Variants in OPHN1 observed in about 807,000 individuals in gnomAD.
OPHN1 encodes oligophrenin-1.
A neutral mutation model predicts 60.7 loss-of-function variants in OPHN1; 11 were observed. The observed-to-expected ratio is 0.18, with a 90% CI of 0.11 to 0.30. The LOEUF is 0.30. OPHN1 is among the 10% of genes least tolerant of loss of function. OPHN1 has a pLI of 1.00. For synonymous variants in OPHN1, 226 were observed against 222.6 expected, an observed-to-expected ratio of 1.02 and a Z score of -0.14; for missense variants, 449 against 611.0, an observed-to-expected ratio of 0.73 and a Z score of 2.80.
At chrX:68,329,241 A>G (rs2078283087) in intron 2 of OPHN1, among the ~76,000 whole-genome samples, 1 of 112,303 alleles carries the variant, frequency 8.9e-6, no homozygotes, top group African/African-American at 3.2e-5. Context: ...ATGTGAACAA[A>G]TGGATAAAGT....
rs764471911 is a variant in OPHN1, at chrX:68,410,559, C to CA, written c.154+22307dup. On this transcript the variant is annotated intron_variant, in intron 2 of 24. Transcript: ENST00000355520. ...CCTGGATGACAGACTGAGACTCCAC[C>CA]AAAAAAAAAAAAAGTGGAAGAACAA... 2.2e-3 allele frequency among the ~76,000 whole-genome samples: 216 copies of CA among 97,596 alleles called. 2 individuals are homozygous for CA. The highest frequency in any genetic ancestry group is 5.2e-3 in the Middle Eastern group (1 of 191). The allele number at this position is 97,596 out of a possible 115,157, so 84.8% of individuals were successfully genotyped here.
At chrX:68,278,122 T>C (rs139343301) in intron 4 of OPHN1, among the ~76,000 whole-genome samples, 1 of 112,160 alleles carries the variant, frequency 8.9e-6, no homozygotes, top group African/African-American at 3.2e-5. Flanking sequence ...TTAATCACTT[T>C]GGCAACACTG....
At chrX:68,320,624 C>T (rs1376072013) in intron 2 of OPHN1, among the ~76,000 whole-genome samples, 2 of 110,390 alleles carry the variant, frequency 1.8e-5, no homozygotes, top group Non-Finnish European at 3.8e-5. Flanking sequence ...GAATTTTCCC[C>T]CATACCCCAA....
intron 15 of OPHN1, among the ~76,000 whole-genome samples, chrX:68,132,212 T>G (rs925998704): frequency 1.7e-4 from 19 of 109,226 alleles, no homozygotes; most frequent in Admixed American, 1.4e-3. Context: ...TATACCCAAA[T>G]GACTATAAAT....
chrX:68,192,070 AT>A (rs1391018875), intron 15 of OPHN1, among the ~76,000 whole-genome samples: 4 of 111,255 alleles, frequency 3.6e-5, no homozygotes, highest in Non-Finnish European at 7.5e-5. Flanking sequence ...ATAAAAAAAA[AT>A]CAATCAATAG....
intron 21 of OPHN1, among the ~76,000 whole-genome samples, chrX:68,058,790 C>T (rs1050645769): frequency 8.9e-6 from 1 of 111,811 alleles, no homozygotes; most frequent in Non-Finnish European, 1.9e-5. Context: ...ATTGTCCCCA[C>T]TTACAGTTGA....
intron 2 of OPHN1, among the ~76,000 whole-genome samples, chrX:68,330,241 G>A (rs772631056): frequency 3.6e-5 from 4 of 109,953 alleles, no homozygotes; most frequent in Non-Finnish European, 7.6e-5. Flanking sequence ...TAGGATTACA[G>A]GCACCCACCA....
chrX:68,209,992 CTTTT>C (rs57516402), intron 9 of OPHN1, 157 bp downstream of exon 9: 29 of 446,625 alleles, frequency 6.5e-5, no homozygotes, highest in Admixed American at 2.0e-4. Flanking sequence ...TCAGTTTCTC[CTTTT>C]TTTTTTTTTG....
chrX:68,316,415 T>C (rs1052892046), intron 2 of OPHN1, among the ~76,000 whole-genome samples: 7 of 111,947 alleles, frequency 6.3e-5, no homozygotes, highest in Non-Finnish European at 1.3e-4. Flanking sequence ...ATTATATTAG[T>C]TTTCTATTCG....
intron 10 of OPHN1, 136 bp downstream of exon 10, chrX:68,206,437 C>A: frequency 1.9e-6 from 1 of 522,018 alleles, no homozygotes; most frequent in South Asian, 2.8e-5. Flanking sequence ...CAAACTTAGG[C>A]CAAGGTGTAC....
At chrX:68,289,127 T>C (rs1008293155) in intron 3 of OPHN1, among the ~76,000 whole-genome samples, 6 of 111,094 alleles carry the variant, frequency 5.4e-5, no homozygotes, top group African/African-American at 2.0e-4. Context: ...CAGCCCTGCA[T>C]AACCATAACA....
intron 2 of OPHN1, among the ~76,000 whole-genome samples, chrX:68,309,501 T>G (rs1569275484): frequency 8.9e-6 from 1 of 112,030 alleles, no homozygotes; most frequent in Non-Finnish European, 1.9e-5. Context: ...GAGCAGCAGC[T>G]GAGGCAGTAG....
intron 15 of OPHN1, among the ~76,000 whole-genome samples, chrX:68,180,081 T>C (rs1469806718): frequency 8.9e-6 from 1 of 111,748 alleles, no homozygotes; most frequent in African/African-American, 3.3e-5. Context: ...TCCTTGTATT[T>C]GGAGTTGAGC....
Position 68,064,547 on chromosome X carries a change from C to T in OPHN1, c.1835-370G>A, listed in dbSNP as rs956211962. 3.6e-5 allele frequency among the ~76,000 whole-genome samples: 4 copies of T among 112,476 alleles called. No individual in the cohort carries two copies. The East Asian group carries it at 8.4e-4, about 24-fold the overall frequency. On this transcript the variant is annotated intron_variant, in intron 20 of 24. Transcript: ENST00000355520. ...GACATCATCAGTTAATTCTTAACCA[C>T]TTCTCTGAAAAGTATTTTGTTAAGG...
chrX:68,426,902 A>C (rs1480018097), intron 2 of OPHN1, among the ~76,000 whole-genome samples: 3 of 101,076 alleles, frequency 3.0e-5, no homozygotes, highest in Admixed American at 2.2e-4. Context: ...AAAAAAAAAA[A>C]AACAAAAACA....
intron 15 of OPHN1, among the ~76,000 whole-genome samples, chrX:68,123,480 G>A (rs953894020): frequency 9.0e-6 from 1 of 111,590 alleles, no homozygotes; most frequent in Non-Finnish European, 1.9e-5. Flanking sequence ...TAAGTAGAAA[G>A]ACTAAACAAT....
chrX:68,078,064 C>T (rs969644347), intron 19 of OPHN1, among the ~76,000 whole-genome samples: 3 of 111,659 alleles, frequency 2.7e-5, no homozygotes, highest in Non-Finnish European at 5.6e-5. Context: ...ATTTGTCTAG[C>T]TTAAATCCCC....
At chrX:68,070,785 C>T (rs1602136324) in intron 20 of OPHN1, 1 of 1,160,042 alleles carries the variant, frequency 8.6e-7, no homozygotes, top group Non-Finnish European at 1.2e-6. Flanking sequence ...TCTGCTTAGC[C>T]CAAGTGACAG....
intron 2 of OPHN1, among the ~76,000 whole-genome samples, chrX:68,416,067 T>TATAGAGAG (rs2078796884): frequency 1.2e-4 from 1 of 8,348 alleles, no homozygotes; most frequent in Non-Finnish European, 3.7e-4. Context: ...TATATATATA[T>TATAGAGAG]AGAGAGAGAG....
Sources: gnomAD v4.1 joint callset for allele counts (sites outside exome capture counted in the v4.1 genomes callset) on GRCh38, gnomAD v4.1.1 for gene constraint, MANE v1.5 for transcripts, NCBI Gene and HGNC (gene_info 2026-07-23, HGNC 2026-07-21) for gene names.